TMEM232: variants seen among roughly 807,000 people sequenced by gnomAD.
TMEM232 encodes transmembrane protein 232.
In TMEM232, 80 loss-of-function variants were observed where a neutral mutation model predicts 78.8. The observed-to-expected ratio is 1.01, with a 90% CI of 0.85 to 1.22. The LOEUF is 1.22. Ranked by LOEUF, TMEM232 falls within the 50% of genes most tolerant of loss-of-function variation. TMEM232 has a pLI of 0.00. For synonymous variants in TMEM232, 297 were observed against 254.3 expected, an observed-to-expected ratio of 1.17 and a Z score of -1.60; for missense variants, 881 against 742.2, an observed-to-expected ratio of 1.19 and a Z score of -2.17.
intron 12 of TMEM232, among the ~76,000 whole-genome samples, chr5:110,508,494 T>A (rs1326671015): frequency 3.3e-5 from 5 of 151,356 alleles, no homozygotes; most frequent in African/African-American, 4.8e-5. Context: ...GTCACACAAT[T>A]TTTAGACAGT....
chr5:110,533,563 T>G (rs753574967), intron 11 of TMEM232, among the ~76,000 whole-genome samples: 2 of 152,178 alleles, frequency 1.3e-5, no homozygotes, highest in Non-Finnish European at 2.9e-5. Flanking sequence ...TTCTCATAAC[T>G]TCCAAAATCT....
chr5:110,654,431 C>G (rs907729486), intron 2 of TMEM232, among the ~76,000 whole-genome samples: 9 of 152,078 alleles, frequency 5.9e-5, no homozygotes, highest in African/African-American at 1.9e-4. Context: ...GCTTGTTTTT[C>G]TCAGGTTTGT....
intron 12 of TMEM232, among the ~76,000 whole-genome samples, chr5:110,516,448 T>G (rs1027428688): frequency 6.6e-6 from 1 of 152,184 alleles, no homozygotes; most frequent in South Asian, 2.1e-4. Context: ...TTGATCTTCA[T>G]AGTTCTAAAT....
intron 12 of TMEM232, among the ~76,000 whole-genome samples, chr5:110,488,340 A>T (rs538116901): frequency 5.3e-5 from 8 of 152,186 alleles, no homozygotes; most frequent in African/African-American, 1.9e-4. Flanking sequence ...AGGCAACAAA[A>T]CAGGCTACAA....
intron 1 of TMEM232, among the ~76,000 whole-genome samples, chr5:110,737,170 A>C (rs1408203803): frequency 6.6e-6 from 1 of 152,210 alleles, no homozygotes; most frequent in Non-Finnish European, 1.5e-5. Context: ...TGGCTTATTT[A>C]TCATTCTATC....
At chr5:110,674,709 A>T (rs140931850) in intron 1 of TMEM232, among the ~76,000 whole-genome samples, 1,605 of 152,362 alleles carry the variant, frequency 0.011, 24 homozygotes, top group African/African-American at 0.036. Flanking sequence ...CACAGACTAC[A>T]CATCAGAGAT....
chr5:110,488,456 A>G (rs1290395098), intron 12 of TMEM232, among the ~76,000 whole-genome samples: 1 of 152,130 alleles, frequency 6.6e-6, no homozygotes, highest in East Asian at 1.9e-4. Context: ...ATGGAGAATT[A>G]AGCAATACTT....
chr5:110,462,211 C>T (rs1169829867), intron 12 of TMEM232, among the ~76,000 whole-genome samples: 1 of 152,156 alleles, frequency 6.6e-6, no homozygotes, highest in East Asian at 1.9e-4. Context: ...AAAACATCAA[C>T]ATCAATAGTT....
intron 10 of TMEM232, among the ~76,000 whole-genome samples, chr5:110,596,476 T>A (rs529177677): frequency 9.9e-5 from 15 of 152,152 alleles, no homozygotes; most frequent in Admixed American, 3.9e-4. Context: ...ACTATTCCAA[T>A]CAACAGAAAA....
At chr5:110,619,336 T>C (rs1261371318) in intron 7 of TMEM232, among the ~76,000 whole-genome samples, 1 of 152,176 alleles carries the variant, frequency 6.6e-6, no homozygotes, top group African/African-American at 2.4e-5. Flanking sequence ...AGATAATTTT[T>C]ATGTTGAGTA....
chr5:110,643,576 C>T (rs1484665215), intron 2 of TMEM232, among the ~76,000 whole-genome samples: 1 of 151,932 alleles, frequency 6.6e-6, no homozygotes, highest in Non-Finnish European at 1.5e-5. Context: ...GAATAGTGAA[C>T]AGTAGAATCA....
intron 10 of TMEM232, among the ~76,000 whole-genome samples, chr5:110,590,945 C>A (rs1038136093): frequency 6.6e-6 from 1 of 152,072 alleles, no homozygotes; most frequent in East Asian, 1.9e-4. Context: ...ATGAGGGAAA[C>A]CGTCCTCATG....
rs998627903 is a variant in TMEM232 at position 110,618,639 on chromosome 5, G to A, written c.769-77C>T. On this transcript the variant is annotated intron_variant, in intron 7 of 13. Transcript: ENST00000455884. ...AGAGTACTCTGACTTGAACAAACAT[G>A]AAAATAAATTTTAAATATACAAATG... is the stretch of plus-strand genomic sequence containing the variant. The A allele has an allele frequency of 7.4e-6, 10 of 1,357,378 alleles. No homozygotes were observed. In the African/African-American group the frequency reaches 1.5e-4, roughly 20 times the overall value. 84.1% of individuals were successfully genotyped at this position (1,357,378 alleles called of 1,614,324 possible).
intron 12 of TMEM232, among the ~76,000 whole-genome samples, chr5:110,457,724 G>A (rs534616376): frequency 9.4e-4 from 143 of 152,110 alleles, no homozygotes; most frequent in African/African-American, 3.3e-3. Context: ...AATCTCAGAT[G>A]CATTATGCTA....
intron 12 of TMEM232, among the ~76,000 whole-genome samples, chr5:110,514,083 G>A (rs1581019215): frequency 6.6e-6 from 1 of 152,096 alleles, no homozygotes; most frequent in East Asian, 1.9e-4. Context: ...GCCCATCTCT[G>A]AAGAACCATT....
intron 3 of TMEM232, 59 bp from the exon 4 acceptor site, chr5:110,641,055 T>A: frequency 9.1e-7 from 1 of 1,097,934 alleles, no homozygotes; most frequent in Non-Finnish European, 1.2e-6. Flanking sequence ...ATATATATAT[T>A]TATTTTTAAC....
intron 12 of TMEM232, among the ~76,000 whole-genome samples, chr5:110,460,830 G>T (rs1039991636): frequency 2.6e-5 from 4 of 151,896 alleles, no homozygotes; most frequent in African/African-American, 9.7e-5. Context: ...CTGATATGGT[G>T]AGCTGTGATT....
At chr5:110,670,578 A>C (rs1277576301) in intron 1 of TMEM232, among the ~76,000 whole-genome samples, 1 of 152,186 alleles carries the variant, frequency 6.6e-6, no homozygotes, top group East Asian at 1.9e-4. Context: ...TATAGATTCA[A>C]TGCTTCTAAT....
Position 110,652,294 on chromosome 5 carries a change from G to GCACGCGCACACACA in TMEM232, c.126-9924_126-9923insTGTGTGTGCGCGTG, listed in dbSNP as rs1554069162. Among the ~76,000 whole-genome samples, 899 of 145,446 alleles carry GCACGCGCACACACA rather than the reference G, an allele frequency of 6.2e-3. 19 individuals carry two copies. The highest frequency in any genetic ancestry group is 0.021 in the African/African-American group (830 of 38,920). On this transcript the variant is annotated intron_variant, in intron 2 of 13. Coordinates refer to ENST00000455884, the MANE Select transcript of TMEM232 (RefSeq NM_001039763.4). ...CAAGCACACAAAAGTGCACGCGCGC[G>GCACGCGCACACACA]CACACACACACACACACACACACAC...
Sources: gnomAD v4.1 joint callset for allele counts (sites outside exome capture counted in the v4.1 genomes callset) on GRCh38, gnomAD v4.1.1 for gene constraint, MANE v1.5 for transcripts, NCBI Gene and HGNC (gene_info 2026-07-23, HGNC 2026-07-21) for gene names.